PRKCE: variants seen among roughly 807,000 people sequenced by gnomAD.
PRKCE encodes the protein protein kinase C epsilon type.
Under a neutral mutation model 85.4 loss-of-function variants are expected in PRKCE, and 16 were observed. That is an observed-to-expected ratio of 0.19 (90% CI 0.13 to 0.28). The LOEUF (loss-of-function observed/expected upper bound fraction) is 0.28. Among genes scored for constraint, PRKCE ranks in the 10% least tolerant of loss-of-function variants. The pLI is 1.00. For synonymous variants in PRKCE, 388 were observed against 371.5 expected, an observed-to-expected ratio of 1.04 and a Z score of -0.51; for missense variants, 573 against 975.2, an observed-to-expected ratio of 0.59 and a Z score of 5.49.
At position 45,905,063 on chromosome 2, in the gene PRKCE, G is replaced by A. The variant is rs183813797; in HGVS notation, c.412+62000G>A. Among the ~76,000 whole-genome samples the A allele has an allele frequency of 3.6e-4, 55 of 152,326 alleles. No individual in the cohort carries two copies. Among genetic ancestry groups the A allele is most frequent in the African/African-American group, 1.3e-3 (54 of 41,584 alleles). On this transcript the variant is annotated intron_variant, in intron 2 of 14. Coordinates refer to ENST00000306156, the MANE Select transcript of PRKCE (RefSeq NM_005400.3). This position sits in a 1 kb window ranked among gnomAD's most constrained non-coding sequence, Gnocchi z 4.4. ...ACACACAGGACTCACTGGATGCTAC[G>A]GTGTTAATCACACCACTGGTGCTTG... is the stretch of plus-strand genomic sequence containing the variant.
chr2:45,941,534 G>C (rs917711465), intron 2 of PRKCE, among the ~76,000 whole-genome samples: 3 of 152,148 alleles, frequency 2.0e-5, no homozygotes, highest in African/African-American at 7.2e-5. Flanking sequence ...AAGCAGGGCC[G>C]TGAAGGGGTG....
intron 1 of PRKCE, among the ~76,000 whole-genome samples, chr2:45,835,721 C>G (rs1558731589): frequency 2.0e-5 from 3 of 151,658 alleles, no homozygotes; most frequent in Non-Finnish European, 2.9e-5. Flanking sequence ...CTCCCAAGTA[C>G]CTGGGACTGT....
At chr2:46,174,352 A>G (rs996928783) in intron 14 of PRKCE, among the ~76,000 whole-genome samples, 1 of 152,254 alleles carries the variant, frequency 6.6e-6, no homozygotes, top group African/African-American at 2.4e-5. Context: ...AAAAGGTGGA[A>G]GCAGCAATCT....
At chr2:45,992,113 A>G (rs1353333650) in intron 6 of PRKCE, among the ~76,000 whole-genome samples, 1 of 152,352 alleles carries the variant, frequency 6.6e-6, no homozygotes, top group African/African-American at 2.4e-5. Context: ...GCATTGAGTC[A>G]GAAATAAGTG....
intron 11 of PRKCE, among the ~76,000 whole-genome samples, chr2:46,104,002 T>G (rs1490435533): frequency 6.6e-6 from 1 of 152,194 alleles, no homozygotes; most frequent in Non-Finnish European, 1.5e-5. Flanking sequence ...TAAAAATGTT[T>G]CTAAACTATA....
In PRKCE at chr2:46,085,758, T is replaced by G. The variant is rs1412055605; in HGVS notation, c.1438-450T>G. Reference sequence around the variant, plus strand: ...TCCGTTTTTTTTTTTTGTTTTTGTTTTTTTTTTTTTTTTTAGCCATATAAG... The same window carrying G: ...TCCGTTTTTTTTTTTTGTTTTTGTTGTTTTTTTTTTTTTTAGCCATATAAG... On this transcript the variant is annotated intron_variant, in intron 10 of 14. Transcript: ENST00000306156. Among the ~76,000 whole-genome samples the G allele has an allele frequency of 1.9e-4, 10 of 52,896 alleles. 1 individual carries two copies. Among genetic ancestry groups the G allele is most frequent in the Admixed American group, 1.2e-3 (5 of 4,198 alleles). The allele number at this position is 52,896 out of a possible 152,430, so 34.7% of individuals were successfully genotyped here. A position where few individuals can be genotyped will look rare whatever the true frequency, so the allele number is the denominator to read the frequency against.
At chr2:45,695,000 A>G (rs1013824746) in intron 1 of PRKCE, among the ~76,000 whole-genome samples, 46 of 152,286 alleles carry the variant, frequency 3.0e-4, no homozygotes, top group African/African-American at 1.1e-3. Flanking sequence ...TAAAGAGCCA[A>G]CTGCCTCATG....
intron 9 of PRKCE, among the ~76,000 whole-genome samples, chr2:46,009,997 G>A (rs1052652034): frequency 2.0e-5 from 3 of 152,208 alleles, no homozygotes; most frequent in East Asian, 1.9e-4. Flanking sequence ...CTATGCCTGG[G>A]CATTGTGCCA....
intron 2 of PRKCE, among the ~76,000 whole-genome samples, chr2:45,922,912 T>C (rs1469881070): frequency 6.6e-6 from 1 of 152,252 alleles, no homozygotes; most frequent in Non-Finnish European, 1.5e-5. Context: ...CTTCACATAT[T>C]AGTCATTGGA....
chr2:45,863,813 G>C (rs1693363611), intron 2 of PRKCE, among the ~76,000 whole-genome samples: 1 of 151,976 alleles, frequency 6.6e-6, no homozygotes, highest in Non-Finnish European at 1.5e-5. Context: ...TGTAGGAGAT[G>C]AGCTCTCAGG....
intron 2 of PRKCE, among the ~76,000 whole-genome samples, chr2:45,943,440 G>T (rs1398500383): frequency 2.0e-5 from 3 of 152,210 alleles, no homozygotes; most frequent in Non-Finnish European, 1.5e-5. Flanking sequence ...CCTCTAGCCG[G>T]GGCTTAGGAA....
chr2:45,995,106 C>T (rs894503110), intron 6 of PRKCE, among the ~76,000 whole-genome samples: 1 of 152,084 alleles, frequency 6.6e-6, no homozygotes, highest in Non-Finnish European at 1.5e-5. Flanking sequence ...GGTGTATGCT[C>T]AAGTCTTTTG....
At chr2:45,884,989 A>AT (rs1165943024) in intron 2 of PRKCE, among the ~76,000 whole-genome samples, 2 of 61,700 alleles carry the variant, frequency 3.2e-5, no homozygotes, top group Admixed American at 4.3e-4. Flanking sequence ...ATATATATAT[A>AT]TATATATATA....
chr2:45,882,027 A>G (rs1174861508), intron 2 of PRKCE, among the ~76,000 whole-genome samples: 1 of 152,050 alleles, frequency 6.6e-6, no homozygotes, highest in Admixed American at 6.5e-5. Context: ...GCCAGGGGGG[A>G]AAGGTGTTTC....
rs1696925639 is a variant in PRKCE, at chr2:45,905,775, C to T, written c.412+62712C>T. ...GACCGGCCCATGCTCTTTATAGTCC[C>T]TGAACACACGTGTTGACCTGAACTG... is the stretch of plus-strand genomic sequence containing the variant. On this transcript the variant is annotated intron_variant, in intron 2 of 14. Coordinates refer to ENST00000306156, the MANE Select transcript of PRKCE (RefSeq NM_005400.3). The surrounding 1 kb of genome is among the most constrained non-coding windows in gnomAD (Gnocchi z 4.4). Among the ~76,000 whole-genome samples the T allele has an allele frequency of 6.6e-6, 1 of 152,238 alleles. No homozygotes were observed. The highest frequency in any genetic ancestry group is 6.5e-5 in the Admixed American group (1 of 15,288).
At chr2:45,826,436 C>T (rs1689946841) in intron 1 of PRKCE, among the ~76,000 whole-genome samples, 1 of 152,090 alleles carries the variant, frequency 6.6e-6, no homozygotes, top group African/African-American at 2.4e-5. Context: ...AGCAAATAGC[C>T]TTATGTCATT....
At chr2:45,971,310 C>G (rs1297544029) in intron 2 of PRKCE, among the ~76,000 whole-genome samples, 1 of 152,236 alleles carries the variant, frequency 6.6e-6, no homozygotes, top group Non-Finnish European at 1.5e-5. Flanking sequence ...CCAATATCCT[C>G]CCATGCATGT....
chr2:46,057,793 T>G lies in PRKCE; in HGVS notation c.1438-28415T>G, dbSNP rs1026786449. Among the ~76,000 whole-genome samples, 7 of 152,292 alleles carry G rather than the reference T, an allele frequency of 4.6e-5. No homozygotes were observed. The South Asian group carries it at 8.3e-4, about 18-fold the overall frequency. ...AAGCATTCAGGCGTCAGTTTGTTCC[T>G]TCACAAAAATGGAGATCAGGACATA... On this transcript the variant is annotated intron_variant, in intron 10 of 14. Transcript: ENST00000306156.
At chr2:46,062,187 C>T (rs1667208050) in intron 10 of PRKCE, among the ~76,000 whole-genome samples, 1 of 152,148 alleles carries the variant, frequency 6.6e-6, no homozygotes, top group Non-Finnish European at 1.5e-5. Context: ...GTATTTCTTG[C>T]CCTCCTGCTG....
Sources: allele counts gnomAD v4.1 joint callset (sites outside exome capture counted in the v4.1 genomes callset), GRCh38; gene constraint gnomAD v4.1.1; non-coding constraint Gnocchi (gnomAD v3.1); transcripts MANE v1.5; gene names NCBI Gene and HGNC (gene_info 2026-07-23, HGNC 2026-07-21).